The following TMEM236 variants were observed in gnomAD, a reference collection of about 807,000 sequenced individuals.
TMEM236 encodes the protein transmembrane protein 236, also known as family with sequence similarity 23, member A.
In TMEM236, 11 loss-of-function variants were observed where a neutral mutation model predicts 14.7. The ratio of observed to expected loss-of-function variants is 0.75; its 90% CI spans 0.47 to 1.24. The LOEUF (loss-of-function observed/expected upper bound fraction) is 1.24, where lower values mean the gene tolerates loss of function less well. Among genes scored for constraint, TMEM236 ranks in the 50% most tolerant of loss-of-function variants. TMEM236 has a pLI of 0.00. For synonymous variants in TMEM236, 182 were observed against 168.6 expected, an observed-to-expected ratio of 1.08 and a Z score of -0.62; for missense variants, 464 against 427.3, an observed-to-expected ratio of 1.09 and a Z score of -0.76.
intron 1 of TMEM236, among the ~76,000 whole-genome samples, chr10:17,763,022 A>G (rs1554834122): frequency 3.3e-5 from 5 of 152,150 alleles, no homozygotes; most frequent in Admixed American, 3.3e-4. Context: ...CTTTGTGCTC[A>G]GGTACTGCCT....
chr10:17,765,176 C>A (rs1015373753), intron 1 of TMEM236, among the ~76,000 whole-genome samples: 1 of 152,048 alleles, frequency 6.6e-6, no homozygotes, highest in Admixed American at 6.6e-5. Context: ...TCTCCCCTTA[C>A]ACCCTGTTTT....
chr10:17,775,952 G>A (rs1348760659), intron 2 of TMEM236, 77 bp from the exon 3 acceptor site: 3 of 1,535,346 alleles, frequency 2.0e-6, no homozygotes, highest in African/African-American at 2.7e-5. Flanking sequence ...ATTTAGTGCT[G>A]CATTCAGACT....
At chr10:17,759,523 T>A (rs1837325923) in intron 1 of TMEM236, among the ~76,000 whole-genome samples, 3 of 152,212 alleles carry the variant, frequency 2.0e-5, no homozygotes. Context: ...GCTCTTGATC[T>A]GCTTTAGGTA....
Position 17,776,138 on chromosome 10 carries a change from T to C in TMEM236, c.440T>C (p.Leu147Pro). ...ATCATGGTTGATATTATTGAAAAACTCAGGATATATCCTCTTAGAGGGAGT... is the reference window on the plus strand; with the variant it reads ...ATCATGGTTGATATTATTGAAAAACCCAGGATATATCCTCTTAGAGGGAGT... Reference protein sequence around the residue: ...SLIMVDIIEKLRIYPLRGSQK... With the variant: ...SLIMVDIIEKPRIYPLRGSQK... The change falls in exon 3 of 4, where the codon CTC (leucine) becomes CCC (proline). Residue 147 changes from leucine to proline, a missense_variant. Coordinates refer to ENST00000377495, the MANE Select transcript of TMEM236 (RefSeq NM_001098844.3). 1.2e-6 allele frequency: 2 copies of C among 1,613,586 alleles called. No individual in the cohort carries two copies. Among genetic ancestry groups the C allele is most frequent in the East Asian group, 4.5e-5 (2 of 44,850 alleles).
intron 3 of TMEM236, among the ~76,000 whole-genome samples, chr10:17,790,765 C>T (rs1837912870): frequency 3.9e-5 from 6 of 152,238 alleles, no homozygotes; most frequent in Admixed American, 3.9e-4. Context: ...TTTTAGATTC[C>T]TCTAACCATT....
intron 3 of TMEM236, among the ~76,000 whole-genome samples, chr10:17,794,522 C>T (rs1564602359): frequency 2.0e-5 from 3 of 150,206 alleles, no homozygotes; most frequent in Admixed American, 2.0e-4. Context: ...ATGTATTATA[C>T]ATGGAGAGGA....
In TMEM236 at chr10:17,753,076, A is replaced by G. The variant is rs894593795; in HGVS notation, c.257+524A>G. On this transcript the variant is annotated intron_variant, in intron 1 of 3. Transcript: ENST00000377495. ...ATGCCCAGCTAAGTTTTGTACTTTTAGTAGAGACGGGGTTTTCATGTTAGC... is the reference window on the plus strand; with the variant it reads ...ATGCCCAGCTAAGTTTTGTACTTTTGGTAGAGACGGGGTTTTCATGTTAGC... Among the ~76,000 whole-genome samples, 282 of 151,964 alleles carry G rather than the reference A, an allele frequency of 1.9e-3. 1 individual carries two copies. Among genetic ancestry groups the G allele is most frequent in the African/African-American group, 6.5e-3 (270 of 41,434 alleles).
chr10:17,798,735 T>G lies in TMEM236; in HGVS notation c.*2231T>G. On this transcript the variant is annotated 3_prime_UTR_variant, in exon 4 of 4. Coordinates refer to ENST00000377495, the MANE Select transcript of TMEM236 (RefSeq NM_001098844.3). ...TCTATAACCTCTGTGGGTCCCCGTT[T>G]CCACATGTAAAAGATGAACATAATA... 1 of 532,574 alleles carries G rather than the reference T, an allele frequency of 1.9e-6. No homozygotes were observed. Among genetic ancestry groups the G allele is most frequent in the Non-Finnish European group, 3.9e-6 (1 of 258,958 alleles). 33.0% of individuals were successfully genotyped at this position (532,574 alleles called of 1,614,324 possible).
chr10:17,758,414 G>A, intron 1 of TMEM236, among the ~76,000 whole-genome samples: 1 of 152,128 alleles, frequency 6.6e-6, no homozygotes, highest in Non-Finnish European at 1.5e-5. Flanking sequence ...TGTGCCCCAG[G>A]AATATATGTA....
intron 1 of TMEM236, among the ~76,000 whole-genome samples, chr10:17,769,762 C>A (rs1554834615): frequency 1.3e-5 from 2 of 152,116 alleles, no homozygotes; most frequent in Admixed American, 1.3e-4. Context: ...CCTAGGACAT[C>A]TAAGATGGTG....
intron 3 of TMEM236, among the ~76,000 whole-genome samples, chr10:17,776,672 C>T (rs1837662588): frequency 6.6e-6 from 1 of 152,136 alleles, no homozygotes; most frequent in Non-Finnish European, 1.5e-5. Context: ...CAGTGGCTCA[C>T]ACCTGTAATC....
intron 2 of TMEM236, among the ~76,000 whole-genome samples, chr10:17,775,754 C>T (rs1837649016): frequency 6.6e-6 from 1 of 152,212 alleles, no homozygotes; most frequent in Admixed American, 6.5e-5. Context: ...GTTACCCCTT[C>T]AATATTACAG....
Position 17,789,879 on chromosome 10 carries a change from C to G in TMEM236, c.473-6042C>G, listed in dbSNP as rs572309681. Among the ~76,000 whole-genome samples, 11 of 151,914 alleles carry G rather than the reference C, an allele frequency of 7.2e-5. No homozygotes were observed. The South Asian group carries it at 2.3e-3, about 32-fold the overall frequency. On this transcript the variant is annotated intron_variant, in intron 3 of 3. Coordinates refer to ENST00000377495, the MANE Select transcript of TMEM236 (RefSeq NM_001098844.3). ...TACTAAAAATACAAAAAAAAATTAG[C>G]CGGGCGTGGGGGCGGGCGCCTGTAG...
intron 2 of TMEM236, among the ~76,000 whole-genome samples, chr10:17,774,136 C>G (rs1837620622): frequency 6.6e-6 from 1 of 152,160 alleles, no homozygotes; most frequent in Non-Finnish European, 1.5e-5. Flanking sequence ...CCTCCACCTT[C>G]TGGGTTCAAG....
intron 1 of TMEM236, among the ~76,000 whole-genome samples, chr10:17,765,682 T>C (rs1837451073): frequency 6.6e-6 from 1 of 152,198 alleles, no homozygotes; most frequent in Non-Finnish European, 1.5e-5. Context: ...CCGTTAGCTT[T>C]TAAGGTTTAA....
chr10:17,760,717 T>A (rs1301811112), intron 1 of TMEM236, among the ~76,000 whole-genome samples: 1 of 152,218 alleles, frequency 6.6e-6, no homozygotes, highest in Non-Finnish European at 1.5e-5. Context: ...GAAAGAGGTT[T>A]GATGGACTCA....
intron 1 of TMEM236, among the ~76,000 whole-genome samples, chr10:17,763,498 C>A (rs1407461283): frequency 6.6e-6 from 1 of 152,194 alleles, no homozygotes; most frequent in Non-Finnish European, 1.5e-5. Flanking sequence ...ATCCTTCCTA[C>A]CCATCCCTTT....
chr10:17,763,929 G>C (rs951399740), intron 1 of TMEM236, among the ~76,000 whole-genome samples: 46 of 152,132 alleles, frequency 3.0e-4, no homozygotes, highest in African/African-American at 1.0e-3. Context: ...GTAAAAAAAG[G>C]GTTGATACCT....
intron 3 of TMEM236, 109 bp downstream of exon 3, chr10:17,776,279 A>T: frequency 9.4e-7 from 1 of 1,060,140 alleles, no homozygotes; most frequent in Middle Eastern, 2.5e-4. Flanking sequence ...CTTAGGGCTA[A>T]CATTACTGAT....
Sources: gnomAD v4.1 joint callset for allele counts (sites outside exome capture counted in the v4.1 genomes callset) on GRCh38, gnomAD v4.1.1 for gene constraint, MANE v1.5 for transcripts, NCBI Gene and HGNC (gene_info 2026-07-23, HGNC 2026-07-21) for gene names.